UBTD2: variants seen among roughly 807,000 people sequenced by gnomAD.
UBTD2 encodes the protein ubiquitin domain containing 2.
In UBTD2, 9 loss-of-function variants were observed where a neutral mutation model predicts 19.8. The ratio of observed to expected loss-of-function variants is 0.46; its 90% confidence interval spans 0.27 to 0.79. The LOEUF is 0.79. UBTD2 is among the 30% of genes least tolerant of loss of function. UBTD2 has a pLI of 0.14. For missense variants in UBTD2, 250 were observed against 300.4 expected (o/e 0.83, Z 1.24); for synonymous variants, 98 against 103.9 (o/e 0.94, Z 0.35).
intron 2 of UBTD2, among the ~76,000 whole-genome samples, chr5:172,230,139 A>C (rs1771860449): frequency 6.6e-6 from 1 of 152,240 alleles, no homozygotes; most frequent in Admixed American, 6.5e-5. Context: ...GTCAATTTCC[A>C]GAATGAAAAT....
At chr5:172,215,329 C>A (rs1185136502) in intron 2 of UBTD2, among the ~76,000 whole-genome samples, 1 of 152,164 alleles carries the variant, frequency 6.6e-6, no homozygotes, top group Non-Finnish European at 1.5e-5. Flanking sequence ...TAGAGTCTAT[C>A]CTGCTGGGGT....
chr5:172,227,587 G>A (rs967996203), intron 2 of UBTD2, among the ~76,000 whole-genome samples: 3 of 150,196 alleles, frequency 2.0e-5, no homozygotes, highest in Non-Finnish European at 2.9e-5. Flanking sequence ...GTTTTACCAC[G>A]TTAGCCAGGA....
chr5:172,247,931 CA>C (rs1754917503), intron 1 of UBTD2, among the ~76,000 whole-genome samples: 1 of 152,024 alleles, frequency 6.6e-6, no homozygotes, highest in South Asian at 2.1e-4. Flanking sequence ...TGTTAGACCA[CA>C]AAACAAGTCT....
chr5:172,246,751 CTTTTTTTTTTTTTTTTTT>C (rs70982379), intron 1 of UBTD2, among the ~76,000 whole-genome samples: 4 of 62,482 alleles, frequency 6.4e-5, no homozygotes, highest in African/African-American at 2.1e-4. Flanking sequence ...GCCGAGATTG[CTTTTTTTTTTTTTTTTTT>C]TTTTTTTTTT....
chr5:172,244,507 A>G (rs1754820060), intron 1 of UBTD2, among the ~76,000 whole-genome samples: 1 of 151,160 alleles, frequency 6.6e-6, no homozygotes. Flanking sequence ...CATGCTGGTC[A>G]GGTTGGTCTC....
At position 172,212,156 on chromosome 5, in the gene UBTD2, T is replaced by C. The variant is rs760207406; in HGVS notation, c.379A>G (p.Ile127Val). The change falls in exon 3 of 3, where the codon ATC (isoleucine) becomes GTC (valine). Residue 127 changes from isoleucine to valine, a missense_variant. Ile to Val is a conservative substitution (Grantham distance 29, BLOSUM62 3). Transcript: ENST00000393792. ...TCGCTCTTTTCCTCTATCATGTTGATTGGCGGTGCCAAGCAATACACTGGA... is the reference window on the plus strand; with the variant it reads ...TCGCTCTTTTCCTCTATCATGTTGACTGGCGGTGCCAAGCAATACACTGGA... ...QLPVYCLAPP[I>V]NMIEEKSDIE... 24 of 1,614,094 alleles carry C rather than the reference T, an allele frequency of 1.5e-5. No individual in the cohort carries two copies. Among genetic ancestry groups the C allele is most frequent in the Non-Finnish European group, 2.5e-6 (3 of 1,180,032 alleles).
At chr5:172,232,636 G>C (rs1041078134) in intron 2 of UBTD2, among the ~76,000 whole-genome samples, 9 of 152,040 alleles carry the variant, frequency 5.9e-5, no homozygotes, top group Non-Finnish European at 1.5e-5. Flanking sequence ...CAAGGCAGGA[G>C]GATTGCTTGA....
In UBTD2 at chr5:172,274,303, G is replaced by A. The variant is rs1470115059; in HGVS notation, c.70+9293C>T. Among the ~76,000 whole-genome samples the A allele has an allele frequency of 4.6e-5, 7 of 151,936 alleles. No individual in the cohort carries two copies. In the South Asian group the frequency reaches 1.0e-3, roughly 23 times the overall value. ...CTACAGGCACGTGCCACCATGCCCA[G>A]CTAATTTTTGTATTTTTAGCAGAGA... On this transcript the variant is annotated intron_variant, in intron 1 of 2. Coordinates refer to ENST00000393792, the MANE Select transcript of UBTD2 (RefSeq NM_152277.3).
intron 2 of UBTD2, among the ~76,000 whole-genome samples, chr5:172,224,960 A>C (rs1000399910): frequency 2.0e-5 from 3 of 152,238 alleles, no homozygotes; most frequent in Non-Finnish European, 4.4e-5. Flanking sequence ...AAAATTTTAC[A>C]AAACGTTTTA....
chr5:172,257,738 T>A (rs1453292678), intron 1 of UBTD2, among the ~76,000 whole-genome samples: 1 of 152,232 alleles, frequency 6.6e-6, no homozygotes, highest in African/African-American at 2.4e-5. Flanking sequence ...ACCAAAAAAG[T>A]CATGATTTAC....
chr5:172,215,620 G>T (rs1313980194), intron 2 of UBTD2, among the ~76,000 whole-genome samples: 1 of 152,152 alleles, frequency 6.6e-6, no homozygotes, highest in Non-Finnish European at 1.5e-5. Flanking sequence ...CTCAGATACG[G>T]CAGAAGTGTT....
chr5:172,231,958 C>T (rs1771909246), intron 2 of UBTD2, among the ~76,000 whole-genome samples: 1 of 152,076 alleles, frequency 6.6e-6, no homozygotes, highest in South Asian at 2.1e-4. Flanking sequence ...AGAGACTATC[C>T]ATGAAAACTG....
rs1755773748 is a variant in UBTD2, at chr5:172,283,712, C to CTCG, written c.-48_-47insCGA. 2.5e-6 allele frequency: 3 copies of CTCG among 1,181,548 alleles called. No individual in the cohort carries two copies. Among genetic ancestry groups the CTCG allele is most frequent in the Non-Finnish European group, 3.2e-6 (3 of 949,786 alleles). 73.2% of individuals were successfully genotyped at this position (1,181,548 alleles called of 1,614,324 possible). On this transcript the variant is annotated 5_prime_UTR_variant, in exon 1 of 3. Transcript: ENST00000393792. This position sits in a 1 kb window ranked among gnomAD's most constrained non-coding sequence, Gnocchi z 4.3. Reference sequence around the variant, plus strand: ...CGCCACCTCCGGACGCTCGTCCGGGCCCGCCGCCGCCGCCGCTGCAGCCTC... The same window carrying CTCG: ...CGCCACCTCCGGACGCTCGTCCGGGCTCGCCGCCGCCGCCGCCGCTGCAGCCTC...
chr5:172,231,030 G>A (rs1463544347), intron 2 of UBTD2, among the ~76,000 whole-genome samples: 4 of 152,106 alleles, frequency 2.6e-5, no homozygotes, highest in Non-Finnish European at 5.9e-5. Context: ...TGATCTGCCC[G>A]CCTCGGCCTC....
rs192002804 is a variant in UBTD2 at position 172,228,550 on chromosome 5, G to A, written c.307+5572C>T. ...ACCCTGGCCAACATGGTGAAACCCG[G>A]TCTCTACTAAAAATACAAAAATTAG... is the stretch of plus-strand genomic sequence containing the variant. On this transcript the variant is annotated intron_variant, in intron 2 of 2. Coordinates refer to ENST00000393792, the MANE Select transcript of UBTD2 (RefSeq NM_152277.3). Among the ~76,000 whole-genome samples, 432 of 152,164 alleles carry A rather than the reference G, an allele frequency of 2.8e-3. 4 individuals are homozygous for A. Among genetic ancestry groups the A allele is most frequent in the South Asian group, 0.02 (97 of 4,820 alleles).
chr5:172,250,371 C>T (rs371856559), intron 1 of UBTD2, among the ~76,000 whole-genome samples: 275 of 152,236 alleles, frequency 1.8e-3, no homozygotes, highest in South Asian at 6.2e-3. Context: ...GTTAACATCA[C>T]CAATAATGGG....
chr5:172,222,947 A>G (rs1364154304), intron 2 of UBTD2, among the ~76,000 whole-genome samples: 1 of 152,186 alleles, frequency 6.6e-6, no homozygotes, highest in Non-Finnish European at 1.5e-5. Context: ...GGTGAACAAG[A>G]CAAAGCCTGC....
chr5:172,269,732 G>A (rs1755446636), intron 1 of UBTD2, among the ~76,000 whole-genome samples: 1 of 129,876 alleles, frequency 7.7e-6, no homozygotes, highest in Non-Finnish European at 1.6e-5. Flanking sequence ...ACATATACAT[G>A]TGCATGTAAA....
Position 172,211,979 on chromosome 5 carries a change from C to T in UBTD2, c.556G>A (p.Gly186Arg). The T allele has an allele frequency of 1.2e-6, 2 of 1,614,196 alleles. No homozygotes were observed. Among genetic ancestry groups the T allele is most frequent in the Non-Finnish European group, 1.7e-6 (2 of 1,180,034 alleles). ...CACCGCTGACTACCTGGTTCCACTCCCTCTGCTGCATGCAACCGTCTCTTC... is the reference window on the plus strand; with the variant it reads ...CACCGCTGACTACCTGGTTCCACTCTCTCTGCTGCATGCAACCGTCTCTTC... The part of the protein sequence containing the change: ...HMKRRLHAAE[G>R]VEPGSQRWFF... Residue 186 changes from glycine to arginine, a missense_variant, in exon 3 of 3, where the codon GGA (glycine) becomes AGA (arginine). Coordinates refer to ENST00000393792, the MANE Select transcript of UBTD2 (RefSeq NM_152277.3).
Sources: gnomAD v4.1 joint callset for allele counts (sites outside exome capture counted in the v4.1 genomes callset) on GRCh38, gnomAD v4.1.1 for gene constraint, Gnocchi (gnomAD v3.1) non-coding constraint, MANE v1.5 for transcripts, NCBI Gene and HGNC (gene_info 2026-07-23, HGNC 2026-07-21) for gene names.